USP9X: variants seen among roughly 807,000 people sequenced by gnomAD.
USP9X encodes ubiquitin specific peptidase 9 X-linked, also known as ubiquitin carboxyl-terminal hydrolase 9X.
A neutral mutation model predicts 190.3 loss-of-function variants in USP9X; 7 were observed. The ratio of observed to expected loss-of-function variants is 0.04; its 90% CI spans 0.02 to 0.07. The LOEUF is 0.07. Ranked by LOEUF, USP9X falls within the 10% of genes least tolerant of loss-of-function variation. The pLI is 1.00. For synonymous variants in USP9X, 645 were observed against 659.5 expected, an observed-to-expected ratio of 0.98 and a Z score of 0.34; for missense variants, 1,010 against 1,916.9, an observed-to-expected ratio of 0.53 and a Z score of 8.83.
At chrX:41,113,775 C>A (rs1467410333) in intron 1 of USP9X, among the ~76,000 whole-genome samples, 2 of 110,346 alleles carry the variant, frequency 1.8e-5, no homozygotes, top group East Asian at 5.6e-4. Flanking sequence ...CTTGGAAATA[C>A]TGAAAAAATT....
chrX:41,120,955 C>T (rs759005233), intron 1 of USP9X, among the ~76,000 whole-genome samples: 69 of 107,113 alleles, frequency 6.4e-4, no homozygotes, highest in Non-Finnish European at 1.1e-3. Context: ...TCTCCTGACT[C>T]AGCCTCCTCA....
chrX:41,167,898 A>T, intron 17 of USP9X, 109 bp from the exon 18 acceptor site: 1 of 585,227 alleles, frequency 1.7e-6, no homozygotes, highest in Non-Finnish European at 2.6e-6. Context: ...GACTGTTGTT[A>T]ATTGAGTGCT....
rs1354577645 is a variant in USP9X, at chrX:41,115,232, AAAAG to A, written c.-158-8235_-158-8232del. On this transcript the variant is annotated intron_variant, in intron 1 of 44. Transcript: ENST00000378308. ...CAAGACTCCGTCTCCAAAAAAAAAA[AAAAG>A]AAAAAGAAAAAAAAAAAAAGTAGTG... Among the ~76,000 whole-genome samples, 453 of 70,500 alleles carry A rather than the reference AAAAG, an allele frequency of 6.4e-3. 2 individuals are homozygous for A. The highest frequency in any genetic ancestry group is 0.012 in the Non-Finnish European group (405 of 33,152). 61.2% of individuals were successfully genotyped at this position (70,500 alleles called of 115,157 possible).
chrX:41,152,314 A>G (rs918344571), intron 13 of USP9X, among the ~76,000 whole-genome samples: 1 of 112,150 alleles, frequency 8.9e-6, no homozygotes, highest in Non-Finnish European at 1.9e-5. Flanking sequence ...TTATCTTTCG[A>G]AGTAGACACA....
chrX:41,194,333 T>C (rs1055117793), intron 26 of USP9X, among the ~76,000 whole-genome samples: 1 of 111,614 alleles, frequency 9.0e-6, no homozygotes, highest in African/African-American at 3.3e-5. Flanking sequence ...GGCGGGCGGA[T>C]CACCTGAGGT....
At chrX:41,197,273 C>G in intron 28 of USP9X, 91 bp from the exon 29 acceptor site, 1 of 609,839 alleles carries the variant, frequency 1.6e-6, no homozygotes, top group South Asian at 3.3e-5. Context: ...AGCTCTGTCT[C>G]GTTCTGGCTC....
chrX:41,165,240 G>A lies in USP9X; in HGVS notation c.1986-632G>A, dbSNP rs138583359. On this transcript the variant is annotated intron_variant, in intron 15 of 44. Transcript: ENST00000378308. ...TAAATATGACTGTTGTTAATTGAGT[G>A]CTACAATTAAATTAGCCATTGCCAT... is the stretch of plus-strand genomic sequence containing the variant. Among the ~76,000 whole-genome samples the A allele has an allele frequency of 4.2e-3, 468 of 111,630 alleles. 3 individuals are homozygous for A. The highest frequency in any genetic ancestry group is 0.014 in the African/African-American group (432 of 30,719).
At chrX:41,086,425 T>C (rs976635417) in intron 1 of USP9X, among the ~76,000 whole-genome samples, 37 of 111,223 alleles carry the variant, frequency 3.3e-4, no homozygotes, top group African/African-American at 1.2e-3. Flanking sequence ...GGATGGAGTC[T>C]CCGGGCGTGG....
In USP9X at chrX:41,128,853, G is replaced by A. The variant is rs1038734647; in HGVS notation, c.97-147G>A. On this transcript the variant is annotated intron_variant, in intron 2 of 44. Coordinates refer to ENST00000378308, the MANE Select transcript of USP9X (RefSeq NM_001039591.3). ...GAATATTTTCGATCCAAGGTTGTTGGTTGACTTTGCAGATGCAGAACCCAT... is the reference window on the plus strand; with the variant it reads ...GAATATTTTCGATCCAAGGTTGTTGATTGACTTTGCAGATGCAGAACCCAT... 14 of 597,994 alleles carry A rather than the reference G, an allele frequency of 2.3e-5. No individual in the cohort carries two copies. In the African/African-American group the frequency reaches 3.0e-4, roughly 13 times the overall value. 49.3% of individuals were successfully genotyped at this position (597,994 alleles called of 1,213,427 possible).
In USP9X at chrX:41,229,382, C is replaced by T. The variant is rs1197495813; in HGVS notation, c.7191C>T (p.Asn2397=). 1 of 1,189,912 alleles carries T rather than the reference C, an allele frequency of 8.4e-7. No homozygotes were observed. The highest frequency in any genetic ancestry group is 1.1e-6 in the Non-Finnish European group (1 of 887,472). The stretch of plus-strand genomic sequence containing the variant: ...AATGTATGGTAGCTCTATTTAGTAA[C>T]TGTCCTGTTGCTTACCAAATCCTGC... ...CIKCMVALFS[N]CPVAYQILQG... is the part of the protein sequence containing the mutation. The change falls in exon 42 of 45, where the codon AAC becomes AAT. Residue 2397 remains asparagine, a synonymous_variant. Coordinates refer to ENST00000378308, the MANE Select transcript of USP9X (RefSeq NM_001039591.3).
At chrX:41,103,787 C>T (rs2062050687) in intron 1 of USP9X, among the ~76,000 whole-genome samples, 1 of 111,354 alleles carries the variant, frequency 9.0e-6, no homozygotes, top group South Asian at 3.7e-4. Flanking sequence ...AATATTATTG[C>T]TGGAAACCTA....
At chrX:41,128,941 A>T in intron 2 of USP9X, 59 bp from the exon 3 acceptor site, 1 of 1,135,362 alleles carries the variant, frequency 8.8e-7, no homozygotes, top group Admixed American at 2.4e-5. Flanking sequence ...TGGTGTTTGG[A>T]TTACTATTTT....
At chrX:41,134,580 C>T (rs1173475692) in intron 4 of USP9X, 145 bp from the exon 5 acceptor site, 15 of 433,403 alleles carry the variant, frequency 3.5e-5, no homozygotes, top group East Asian at 2.8e-4. Context: ...TAATATTACT[C>T]GGTTAATCTA....
chrX:41,180,893 ACAT>A (rs2062819289), intron 21 of USP9X, among the ~76,000 whole-genome samples: 1 of 111,951 alleles, frequency 8.9e-6, no homozygotes, highest in Non-Finnish European at 1.9e-5. Flanking sequence ...CTTAAACCAC[ACAT>A]CATCTCTATA....
chrX:41,111,249 CTCTT>C (rs976170928), intron 1 of USP9X, among the ~76,000 whole-genome samples: 1 of 111,784 alleles, frequency 8.9e-6, no homozygotes, highest in Non-Finnish European at 1.9e-5. Flanking sequence ...AGTTCCCTCA[CTCTT>C]TCTGCCTTGT....
At chrX:41,132,950 T>C (rs971402986) in intron 4 of USP9X, among the ~76,000 whole-genome samples, 5 of 111,846 alleles carry the variant, frequency 4.5e-5, no homozygotes, top group Admixed American at 9.5e-5. Context: ...TTGAATTATC[T>C]AACAGAGGAC....
At chrX:41,106,594 G>T (rs1008627002) in intron 1 of USP9X, among the ~76,000 whole-genome samples, 5 of 92,985 alleles carry the variant, frequency 5.4e-5, no homozygotes, top group Admixed American at 5.0e-4. Context: ...GCAATGGCGC[G>T]ATCTTGGCTC....
chrX:41,158,340 G>A (rs944257994), intron 14 of USP9X, among the ~76,000 whole-genome samples: 3 of 111,279 alleles, frequency 2.7e-5, no homozygotes, highest in Admixed American at 9.5e-5. Flanking sequence ...AGAGAAAAAC[G>A]AGTCTTCCTG....
intron 1 of USP9X, among the ~76,000 whole-genome samples, chrX:41,102,234 G>T (rs2146939021): frequency 9.0e-6 from 1 of 111,621 alleles, no homozygotes; most frequent in Admixed American, 9.5e-5. Flanking sequence ...AAATTTTTTG[G>T]TGTACTTTTT....
Sources: gnomAD v4.1 joint callset for allele counts (sites outside exome capture counted in the v4.1 genomes callset) on GRCh38, gnomAD v4.1.1 for gene constraint, MANE v1.5 for transcripts, NCBI Gene and HGNC (gene_info 2026-07-23, HGNC 2026-07-21) for gene names.